The following FRYL variants were observed in gnomAD, a reference collection of about 807,000 sequenced individuals.
FRYL encodes the protein FRY like transcription coactivator, also known as protein furry homolog-like.
FRYL carries 150 observed loss-of-function variants against 351.2 expected under a neutral mutation model. The observed-to-expected ratio is 0.43, with a 90% confidence interval of 0.37 to 0.49. FRYL has a LOEUF of 0.49. Among genes scored for constraint, FRYL ranks in the 20% least tolerant of loss-of-function variants. The pLI is 0.00. For missense variants in FRYL, 3,036 were observed against 3,619.3 expected (o/e 0.84, Z 4.13); for synonymous variants, 1,153 against 1,257.1 (o/e 0.92, Z 1.75).
chr4:48,758,216 A>G (rs1318881531), intron 1 of FRYL, among the ~76,000 whole-genome samples: 1 of 152,244 alleles, frequency 6.6e-6, no homozygotes, highest in East Asian at 1.9e-4. Flanking sequence ...AATGGCAACA[A>G]AAGCCAAAAT....
chr4:48,615,895 T>C (rs1406689801), intron 7 of FRYL, among the ~76,000 whole-genome samples: 1 of 152,162 alleles, frequency 6.6e-6, no homozygotes, highest in Non-Finnish European at 1.5e-5. Flanking sequence ...TAAAAAAGGA[T>C]GAGTTCATGT....
At chr4:48,678,441 G>A (rs777975258) in intron 3 of FRYL, among the ~76,000 whole-genome samples, 5 of 146,722 alleles carry the variant, frequency 3.4e-5, no homozygotes, top group African/African-American at 1.0e-4. Flanking sequence ...CAAGGGAGGC[G>A]GAGGTTGCAG....
intron 4 of FRYL, among the ~76,000 whole-genome samples, chr4:48,631,668 T>C (rs957256848): frequency 1.6e-4 from 24 of 152,036 alleles, no homozygotes; most frequent in African/African-American, 3.9e-4. Context: ...CGTGATATCA[T>C]CATAATCTAG....
At chr4:48,603,471 GTTTGAAATTGGTTAA>G (rs1746097728) in intron 11 of FRYL, 83 bp from the exon 12 acceptor site, 1 of 906,830 alleles carries the variant, frequency 1.1e-6, no homozygotes, top group Non-Finnish European at 1.7e-6. Context: ...TTTCTGTAAG[GTTTGAAATTGGTTAA>G]TAATTCACTG....
intron 4 of FRYL, among the ~76,000 whole-genome samples, chr4:48,632,110 A>ATATATATATATG (rs1753294810): frequency 1.1e-5 from 1 of 94,756 alleles, no homozygotes; most frequent in Non-Finnish European, 2.0e-5. Flanking sequence ...ATATATATAT[A>ATATATATATATG]TATATATATA....
At chr4:48,646,600 G>A (rs953902154) in intron 3 of FRYL, among the ~76,000 whole-genome samples, 3 of 152,166 alleles carry the variant, frequency 2.0e-5, no homozygotes, top group African/African-American at 7.2e-5. Flanking sequence ...CAATGCAACT[G>A]CAAACAGTTA....
chr4:48,526,010 T>C (rs1345836765), intron 53 of FRYL, among the ~76,000 whole-genome samples: 1 of 151,818 alleles, frequency 6.6e-6, no homozygotes, highest in Non-Finnish European at 1.5e-5. Flanking sequence ...TGAGAGCTGA[T>C]GAATGTGTAT....
At chr4:48,691,476 G>T (rs1264991333) in intron 2 of FRYL, among the ~76,000 whole-genome samples, 1 of 151,950 alleles carries the variant, frequency 6.6e-6, no homozygotes, top group Non-Finnish European at 1.5e-5. Flanking sequence ...TGGAAGCCAA[G>T]AACACACCTA....
intron 4 of FRYL, among the ~76,000 whole-genome samples, chr4:48,628,382 T>C (rs1752265105): frequency 6.6e-6 from 1 of 151,764 alleles, no homozygotes; most frequent in Non-Finnish European, 1.5e-5. Context: ...AATAAAAATA[T>C]CTGGGTACAG....
chr4:48,537,742 T>C (rs1578002939), intron 47 of FRYL, among the ~76,000 whole-genome samples: 1 of 152,198 alleles, frequency 6.6e-6, no homozygotes, highest in African/African-American at 2.4e-5. Context: ...ATGGCCCTAC[T>C]GTGGTCACGA....
At chr4:48,683,642 AC>A (rs931042976) in intron 3 of FRYL, among the ~76,000 whole-genome samples, 1 of 152,168 alleles carries the variant, frequency 6.6e-6, no homozygotes, top group African/African-American at 2.4e-5. Context: ...TAGGAAAAAA[AC>A]AACAAAGTCA....
chr4:48,558,992 C>A (rs1290065153), intron 33 of FRYL, among the ~76,000 whole-genome samples: 2 of 152,108 alleles, frequency 1.3e-5, no homozygotes, highest in Non-Finnish European at 2.9e-5. Context: ...TCTGGAATTG[C>A]ACAACCCTGG....
chr4:48,619,520 T>A (rs1750229988), intron 6 of FRYL, 150 bp from the exon 7 acceptor site: 4 of 515,168 alleles, frequency 7.8e-6, no homozygotes, highest in Non-Finnish European at 3.3e-6. Flanking sequence ...TTTATTTTTG[T>A]CTTTTTGGTT....
chr4:48,567,532 G>A lies in FRYL; in HGVS notation c.2997-112C>T. On this transcript the variant is annotated intron_variant, in intron 27 of 63. Coordinates refer to ENST00000358350, the MANE Select transcript of FRYL (RefSeq NM_015030.2). The surrounding 1 kb of genome is among the most constrained non-coding windows in gnomAD (Gnocchi z 4.2). Reference sequence around the variant, plus strand: ...TACATGTTAATTTTGCATGCTCATGGCAGCACGCAACTTAATATATGAAAA... The same window carrying A: ...TACATGTTAATTTTGCATGCTCATGACAGCACGCAACTTAATATATGAAAA... 1 of 681,936 alleles carries A rather than the reference G, an allele frequency of 1.5e-6. No homozygotes were observed. The highest frequency in any genetic ancestry group is 2.3e-6 in the Non-Finnish European group (1 of 432,038). The allele number at this position is 681,936 out of a possible 1,614,324, so 42.2% of individuals were successfully genotyped here. A position where few individuals can be genotyped will look rare whatever the true frequency, so the allele number is the denominator to read the frequency against.
At chr4:48,691,128 TAAGGA>T (rs1446889787) in intron 2 of FRYL, among the ~76,000 whole-genome samples, 1 of 152,178 alleles carries the variant, frequency 6.6e-6, no homozygotes, top group Non-Finnish European at 1.5e-5. Flanking sequence ...TTTCTAAATT[TAAGGA>T]AAGAAGGTCA....
intron 3 of FRYL, among the ~76,000 whole-genome samples, chr4:48,664,318 C>T (rs1051366883): frequency 1.3e-5 from 2 of 152,072 alleles, no homozygotes; most frequent in African/African-American, 4.8e-5. Context: ...CAGTGGAAGT[C>T]AATGGGCTAT....
chr4:48,689,244 T>C (rs552448582), intron 2 of FRYL, among the ~76,000 whole-genome samples: 12 of 152,330 alleles, frequency 7.9e-5, no homozygotes, highest in Non-Finnish European at 1.6e-4. Flanking sequence ...AAATTTTCCA[T>C]TCACAATTTT....
chr4:48,687,489 G>A (rs1228097328), intron 2 of FRYL, among the ~76,000 whole-genome samples: 1 of 77,952 alleles, frequency 1.3e-5, no homozygotes, highest in Non-Finnish European at 2.9e-5. Context: ...GGGCAAATGA[G>A]GTCGGGGGGG....
At chr4:48,512,348 C>CTTTACTTA (rs1223205680) in intron 57 of FRYL, 133 bp downstream of exon 57, 6 of 634,316 alleles carry the variant, frequency 9.5e-6, no homozygotes, top group Admixed American at 8.9e-5. Flanking sequence ...GTAAGTAATA[C>CTTTACTTA]CATTAGCTTA....
Sources: gnomAD v4.1 joint callset for allele counts (sites outside exome capture counted in the v4.1 genomes callset) on GRCh38, gnomAD v4.1.1 for gene constraint, Gnocchi (gnomAD v3.1) non-coding constraint, MANE v1.5 for transcripts, NCBI Gene and HGNC (gene_info 2026-07-23, HGNC 2026-07-21) for gene names.